MGA: variants seen among roughly 807,000 people sequenced by gnomAD.
MGA encodes MAX dimerization protein MGA.
A neutral mutation model predicts 261.1 loss-of-function variants in MGA; 40 were observed. That is an observed-to-expected ratio of 0.15 (90% CI 0.12 to 0.20). The LOEUF is 0.20. MGA is among the 10% of genes least tolerant of loss of function. MGA has a pLI of 1.00. For synonymous variants in MGA, 1,302 were observed against 1,290.6 expected (o/e 1.01, Z -0.19); for missense variants, 3,397 against 3,630.5 (o/e 0.94, Z 1.65).
intron 2 of MGA, among the ~76,000 whole-genome samples, chr15:41,688,636 G>C (rs2059097792): frequency 6.6e-6 from 1 of 151,690 alleles, no homozygotes; most frequent in East Asian, 1.9e-4. Context: ...ATGTCATCTT[G>C]CTATTTCCTG....
chr15:41,626,860 A>G (rs1317397164), intron 1 of MGA, among the ~76,000 whole-genome samples: 1 of 152,162 alleles, frequency 6.6e-6, no homozygotes, highest in Non-Finnish European at 1.5e-5. Flanking sequence ...TACTATAATT[A>G]AAATAATTTA....
intron 15 of MGA, among the ~76,000 whole-genome samples, chr15:41,747,327 G>C (rs2062562038): frequency 6.6e-6 from 1 of 152,006 alleles, no homozygotes; most frequent in African/African-American, 2.4e-5. Context: ...AGGATTTTTA[G>C]TTCTTTATCT....
chr15:41,641,243 C>G (rs1352311229), intron 1 of MGA, among the ~76,000 whole-genome samples: 1 of 152,086 alleles, frequency 6.6e-6, no homozygotes, highest in Non-Finnish European at 1.5e-5. Flanking sequence ...AGTTGATGAA[C>G]ATTTGGGTTA....
chr15:41,714,789 C>T (rs2060545329), intron 9 of MGA, among the ~76,000 whole-genome samples: 1 of 152,152 alleles, frequency 6.6e-6, no homozygotes, highest in South Asian at 2.1e-4. Flanking sequence ...AGCCACTGTA[C>T]CCAATTAGTT....
rs2056684053 is a variant in MGA at position 41,635,524 on chromosome 15, C to CT, written c.-68+14227dup. On this transcript the variant is annotated intron_variant, in intron 1 of 8. Coordinates refer to the MGA transcript ENST00000566718. ...CAGGCAACATAGTGAGACCCCCCCC[C>CT]TCCTATAAAAAATTTTAAAAAATTA... Among the ~76,000 whole-genome samples the CT allele has an allele frequency of 2.0e-4, 31 of 151,836 alleles. No individual in the cohort carries two copies. In the South Asian group the frequency reaches 6.0e-3, roughly 30 times the overall value.
At chr15:41,721,486 A>G (rs929447417) in intron 9 of MGA, among the ~76,000 whole-genome samples, 2 of 152,222 alleles carry the variant, frequency 1.3e-5, no homozygotes, top group African/African-American at 4.8e-5. Flanking sequence ...ATAAAAGCAG[A>G]TATTTGTAAT....
At chr15:41,658,487 C>T (rs1274389956), upstream of MGA, among the ~76,000 whole-genome samples, 1 of 152,010 alleles carries the variant, frequency 6.6e-6, no homozygotes, top group Non-Finnish European at 1.5e-5. Context: ...TTACTTGGTA[C>T]CTGCATGATG....
At chr15:41,706,447 G>A (rs754403422) in intron 5 of MGA, among the ~76,000 whole-genome samples, 133 of 151,676 alleles carry the variant, frequency 8.8e-4, no homozygotes, top group Admixed American at 2.2e-3. Flanking sequence ...TTATGTATAG[G>A]ATACATGGGG....
At chr15:41,758,956 G>A (rs187370102) in intron 19 of MGA, among the ~76,000 whole-genome samples, 32 of 152,180 alleles carry the variant, frequency 2.1e-4, no homozygotes, top group African/African-American at 7.0e-4. Context: ...CTTTTTTAAC[G>A]TTTATAACCT....
chr15:41,653,194 C>T (rs1204470442), intron 1 of MGA, among the ~76,000 whole-genome samples: 1 of 151,870 alleles, frequency 6.6e-6, no homozygotes, highest in African/African-American at 2.4e-5. Flanking sequence ...TGGCTAAACC[C>T]CATCTCTACT....
At chr15:41,705,996 T>G (rs1289114205) in intron 5 of MGA, among the ~76,000 whole-genome samples, 1 of 152,116 alleles carries the variant, frequency 6.6e-6, no homozygotes, top group African/African-American at 2.4e-5. Flanking sequence ...CCCAGCACTT[T>G]GGGAGGCCGA....
At chr15:41,715,933 G>A (rs2060611224) in intron 9 of MGA, among the ~76,000 whole-genome samples, 2 of 152,096 alleles carry the variant, frequency 1.3e-5, no homozygotes, top group South Asian at 2.1e-4. Context: ...AATAAAATAC[G>A]GAAGCCCACA....
Position 41,761,813 on chromosome 15 carries a change from A to G in MGA, c.7473A>G (p.Lys2491=), listed in dbSNP as rs2063474672. The change falls in exon 21 of 24, where the codon AAA becomes AAG. Residue 2491 remains lysine (K), a synonymous_variant. Coordinates refer to ENST00000219905, the MANE Select transcript of MGA (RefSeq NM_001164273.2). Reference sequence around the variant, plus strand: ...GACAGAAAAATCTCCTGACTCGAAAACGGAATATTCTGATACGGAAAGTAT... The same window carrying G: ...GACAGAAAAATCTCCTGACTCGAAAGCGGAATATTCTGATACGGAAAGTAT... The G allele has an allele frequency of 6.3e-7, 1 of 1,594,468 alleles. No individual in the cohort carries two copies. The highest frequency in any genetic ancestry group is 1.7e-5 in the Admixed American group (1 of 57,442).
intron 2 of MGA, among the ~76,000 whole-genome samples, chr15:41,677,520 G>A (rs1039986092): frequency 2.0e-5 from 3 of 152,088 alleles, no homozygotes; most frequent in Admixed American, 6.5e-5. Flanking sequence ...TTGAGGAACC[G>A]CAATACTGTT....
chr15:41,708,016 T>G (rs2060204226), intron 6 of MGA, 88 bp from the exon 7 acceptor site: 8 of 1,372,872 alleles, frequency 5.8e-6, no homozygotes, highest in Middle Eastern at 4.0e-4. Flanking sequence ...ATTTATACAC[T>G]TACCAAATTA....
chr15:41,766,227 A>C lies in MGA; in HGVS notation c.8145A>C (p.Pro2715=), dbSNP rs748109444. ...GAGATGGCAGAGTGACGTTGGGTCC[A>C]ACGCAGGTTTTTCTGGCAAACAAAG... Residue 2715 remains proline (P), a synonymous_variant, in exon 24 of 24, where the codon CCA becomes CCC. Coordinates refer to ENST00000219905, the MANE Select transcript of MGA (RefSeq NM_001164273.2). 1.2e-6 allele frequency: 2 copies of C among 1,614,014 alleles called. No individual in the cohort carries two copies. The highest frequency in any genetic ancestry group is 4.5e-5 in the East Asian group (2 of 44,888).
upstream of MGA, among the ~76,000 whole-genome samples, chr15:41,657,058 G>C (rs1473315127): frequency 6.6e-6 from 1 of 152,188 alleles, no homozygotes; most frequent in Admixed American, 6.5e-5. Context: ...GGGATTACAG[G>C]CGTGAACCAC....
intron 1 of MGA, among the ~76,000 whole-genome samples, chr15:41,644,961 G>A (rs2056906624): frequency 2.0e-5 from 3 of 152,012 alleles, no homozygotes; most frequent in Admixed American, 2.0e-4. Flanking sequence ...TATATTAAAA[G>A]AAAAAACAAA....
At chr15:41,707,667 G>A in intron 5 of MGA, 61 bp from the exon 6 acceptor site, 2 of 1,470,198 alleles carry the variant, frequency 1.4e-6, no homozygotes, top group Non-Finnish European at 1.8e-6. Flanking sequence ...TAAAAACAAA[G>A]AAGGGAGATA....
Sources: allele counts gnomAD v4.1 joint callset (sites outside exome capture counted in the v4.1 genomes callset), GRCh38; gene constraint gnomAD v4.1.1; transcripts MANE v1.5; gene names NCBI Gene and HGNC (gene_info 2026-07-23, HGNC 2026-07-21).